Variants in VPS35L observed in about 807,000 individuals in gnomAD.
VPS35L encodes VPS35 endosomal protein sorting factor like, also known as VPS35 endosomal protein-sorting factor-like.
Under a neutral mutation model 133.0 loss-of-function variants are expected in VPS35L, and 83 were observed. The ratio of observed to expected loss-of-function variants is 0.62; its 90% CI spans 0.52 to 0.75. VPS35L has a LOEUF of 0.75. Ranked by LOEUF, VPS35L falls within the 30% of genes least tolerant of loss-of-function variation. VPS35L has a pLI of 0.00. For missense variants in VPS35L, 1,083 were observed against 1,206.8 expected, an observed-to-expected ratio of 0.90 and a Z score of 1.52; for synonymous variants, 423 against 449.9, an observed-to-expected ratio of 0.94 and a Z score of 0.76.
chr16:19,650,605 G>T, intron 25 of VPS35L, 146 bp downstream of exon 25: 1 of 650,212 alleles, frequency 1.5e-6, no homozygotes, highest in South Asian at 2.1e-5. Context: ...ATTTTTCCCT[G>T]TATCTATGGG....
chr16:19,608,718 T>G, intron 10 of VPS35L: 1 of 483,726 alleles, frequency 2.1e-6, no homozygotes, highest in East Asian at 3.1e-5. Flanking sequence ...TTAGAAATGC[T>G]CAAAACCCAG....
chr16:19,601,078 A>G (rs1029745901), intron 8 of VPS35L, among the ~76,000 whole-genome samples: 50 of 152,002 alleles, frequency 3.3e-4, no homozygotes, highest in African/African-American at 1.1e-3. Context: ...ACAGGCGTGC[A>G]CTGCCATGCC....
intron 27 of VPS35L, among the ~76,000 whole-genome samples, chr16:19,674,455 C>A (rs984923191): frequency 6.6e-6 from 1 of 151,886 alleles, no homozygotes; most frequent in Non-Finnish European, 1.5e-5. Flanking sequence ...CTTGGCCTCC[C>A]AAAGTGCTGG....
chr16:19,623,231 C>T (rs1462787093), intron 14 of VPS35L, among the ~76,000 whole-genome samples: 1 of 152,100 alleles, frequency 6.6e-6, no homozygotes, highest in Non-Finnish European at 1.5e-5. Context: ...GGAGCTTAAA[C>T]AACAGACTTT....
chr16:19,626,553 G>C (rs1230763057), intron 15 of VPS35L, among the ~76,000 whole-genome samples: 1 of 152,106 alleles, frequency 6.6e-6, no homozygotes, highest in Non-Finnish European at 1.5e-5. Context: ...CCTGAGGTCA[G>C]GAGTTCGAGA....
At position 19,569,430 on chromosome 16, in the gene VPS35L, G is replaced by T; in HGVS notation, c.124G>T (p.Glu42Ter). ...YHPLKPITVT[E>*]SKTKKVNRKG... Reference sequence around the variant, plus strand: ...CCAGAAATTTTCCTCACAGGTCACAGAGTCAAAGACAAAGAAAGTGAACCG... The same window carrying T: ...CCAGAAATTTTCCTCACAGGTCACATAGTCAAAGACAAAGAAAGTGAACCG... The change falls in exon 3 of 31, where the codon GAG becomes TAG. Residue 42 changes from glutamate (E) to a stop codon, truncating the protein, a stop_gained. Transcript: ENST00000417362. LOFTEE classifies it high-confidence loss of function. 6.3e-7 allele frequency: 1 copy of T among 1,595,616 alleles called. No individual in the cohort carries two copies. The highest frequency in any genetic ancestry group is 8.5e-7 in the Non-Finnish European group (1 of 1,171,064).
intron 28 of VPS35L, among the ~76,000 whole-genome samples, chr16:19,690,936 T>C (rs1348998951): frequency 6.6e-6 from 1 of 150,672 alleles, no homozygotes; most frequent in Non-Finnish European, 1.5e-5. Flanking sequence ...CACTCCAGCC[T>C]GGGTGACAGA....
In VPS35L at chr16:19,555,765, G is replaced by A; in HGVS notation, c.17+19G>A. ...TTCCTTGGTAAGGAAGCAGCGGCGG[G>A]TGGGCTTTGGAGAGGGGCTGTCCTT... On this transcript the variant is annotated intron_variant, in intron 1 of 30. Coordinates refer to ENST00000417362, the MANE Select transcript of VPS35L (RefSeq NM_020314.7). 1 of 1,566,702 alleles carries A rather than the reference G, an allele frequency of 6.4e-7. No homozygotes were observed. The highest frequency in any genetic ancestry group is 8.6e-7 in the Non-Finnish European group (1 of 1,157,252).
intron 9 of VPS35L, among the ~76,000 whole-genome samples, chr16:19,602,992 T>C (rs910944497): frequency 2.6e-5 from 4 of 152,030 alleles, no homozygotes; most frequent in African/African-American, 7.2e-5. Flanking sequence ...CTCAAACTTC[T>C]GGGCCCAAGC....
chr16:19,692,279 C>T (rs192713282), intron 29 of VPS35L, among the ~76,000 whole-genome samples: 22 of 152,244 alleles, frequency 1.4e-4, no homozygotes, highest in Admixed American at 2.0e-4. Flanking sequence ...ATGCAGAGCC[C>T]GGCCTGCGGC....
At chr16:19,587,087 G>A (rs1258500955) in intron 7 of VPS35L, among the ~76,000 whole-genome samples, 1 of 147,390 alleles carries the variant, frequency 6.8e-6, no homozygotes, top group Non-Finnish European at 1.5e-5. Context: ...TAGCAGAGCA[G>A]GAGAGAGAAA....
chr16:19,642,570 G>C, intron 22 of VPS35L, 94 bp downstream of exon 22: 1 of 1,009,352 alleles, frequency 9.9e-7, no homozygotes, highest in Non-Finnish European at 1.4e-6. Flanking sequence ...CTGCCACTGT[G>C]AATAATATTA....
chr16:19,613,496 C>T (rs560592918), intron 12 of VPS35L, among the ~76,000 whole-genome samples: 2 of 152,350 alleles, frequency 1.3e-5, no homozygotes, highest in East Asian at 3.9e-4. Flanking sequence ...CTCCCCACAT[C>T]ACTCAGCTCT....
At chr16:19,610,901 G>T (rs1009485425) in intron 12 of VPS35L, among the ~76,000 whole-genome samples, 2 of 152,154 alleles carry the variant, frequency 1.3e-5, no homozygotes, top group African/African-American at 4.8e-5. Flanking sequence ...GGACTGATTA[G>T]AAATTACTTG....
At chr16:19,577,086 A>T (rs191097352) in intron 5 of VPS35L, among the ~76,000 whole-genome samples, 1 of 152,250 alleles carries the variant, frequency 6.6e-6, no homozygotes, top group Non-Finnish European at 1.5e-5. Context: ...TAGAGTGATG[A>T]TACCAAGTGT....
chr16:19,610,613 A>G (rs1567420796), intron 12 of VPS35L, 198 bp downstream of exon 12: 1 of 424,962 alleles, frequency 2.4e-6, no homozygotes, highest in Non-Finnish European at 4.1e-6. Flanking sequence ...AAGTAGACCA[A>G]CTTACTGTAG....
intron 19 of VPS35L, among the ~76,000 whole-genome samples, chr16:19,635,866 C>T (rs1199507270): frequency 6.6e-6 from 1 of 152,146 alleles, no homozygotes; most frequent in Non-Finnish European, 1.5e-5. Flanking sequence ...CTCAGCTTTT[C>T]TGCAAGTCTG....
intron 26 of VPS35L, among the ~76,000 whole-genome samples, chr16:19,657,009 A>G (rs1303956801): frequency 1.5e-5 from 2 of 133,818 alleles, no homozygotes; most frequent in Non-Finnish European, 3.0e-5. Context: ...TCCGTCGTCC[A>G]GGCTGGACTG....
chr16:19,638,180 C>T (rs1022272937), intron 20 of VPS35L, among the ~76,000 whole-genome samples: 1 of 152,208 alleles, frequency 6.6e-6, no homozygotes, highest in Non-Finnish European at 1.5e-5. Context: ...TGTATAGTAA[C>T]ATTCTCTGTC....
Sources: gnomAD v4.1 joint callset for allele counts (sites outside exome capture counted in the v4.1 genomes callset) on GRCh38, gnomAD v4.1.1 for gene constraint, MANE v1.5 for transcripts, NCBI Gene and HGNC (gene_info 2026-07-23, HGNC 2026-07-21) for gene names.